The following GAPT variants were observed in gnomAD, a reference collection of about 807,000 sequenced individuals.
GAPT encodes the protein protein GAPT.
For synonymous variants in GAPT, 82 were observed against 69.7 expected, an observed-to-expected ratio of 1.18 and a Z score of -0.88; for missense variants, 206 against 189.2, an observed-to-expected ratio of 1.09 and a Z score of -0.52.
At chr5:58,491,602 C>A (rs934479463) in intron 1 of GAPT, 61 bp downstream of exon 1, 6 of 152,066 alleles carry the variant, frequency 3.9e-5, no homozygotes, top group African/African-American at 1.4e-4. Context: ...ACAAGTTTGT[C>A]TTTAATTAAT....
In GAPT at chr5:58,495,187, A is replaced by G. The variant is rs1744413881; in HGVS notation, c.*177A>G. ...AAAAAAAGAACAAAACTAACATGGG[A>G]ACAGAAAATCAAATACCACATATTC... On this transcript the variant is annotated 3_prime_UTR_variant, in exon 3 of 3. Coordinates refer to ENST00000502276, the MANE Select transcript of GAPT (RefSeq NM_001304431.2). The G allele has an allele frequency of 1.8e-6, 1 of 560,304 alleles. No homozygotes were observed. Among genetic ancestry groups the G allele is most frequent in the Non-Finnish European group, 3.1e-6 (1 of 318,824 alleles). 34.7% of individuals were successfully genotyped at this position (560,304 alleles called of 1,614,324 possible).
rs1744463293 is a variant in GAPT at position 58,496,802 on chromosome 5, GCTTCTCTGCAAC to G, written c.*1795_*1806del. ...GTTTCTTCCATCATTCCCAGGACCA[GCTTCTCTGCAAC>G]CTGTCAGAAGCACCAGCACCAGCCA... On this transcript the variant is annotated 3_prime_UTR_variant, in exon 3 of 3. Transcript: ENST00000502276. 6.0e-6 allele frequency: 1 copy of G among 167,436 alleles called. No individual in the cohort carries two copies. Among genetic ancestry groups the G allele is most frequent in the African/African-American group, 2.4e-5 (1 of 41,466 alleles). The allele number at this position is 167,436 out of a possible 1,614,324, so 10.4% of individuals were successfully genotyped here.
Position 58,494,397 on chromosome 5 carries a change from A to G in GAPT, c.-140A>G, listed in dbSNP as rs756622813. ...TAATTGCATCAGGACTTTACCAGAT[A>G]ATGTTCTTCCAGATCTGAAAAGGAA... On this transcript the variant is annotated 5_prime_UTR_variant, in exon 3 of 3. The change creates a new upstream start codon in the 5' untranslated region. Coordinates refer to ENST00000502276, the MANE Select transcript of GAPT (RefSeq NM_001304431.2). 1.4e-5 allele frequency: 9 copies of G among 656,654 alleles called. No homozygotes were observed. The highest frequency in any genetic ancestry group is 2.1e-5 in the Non-Finnish European group (8 of 385,038). The allele number at this position is 656,654 out of a possible 1,614,324, so 40.7% of individuals were successfully genotyped here.
In GAPT at chr5:58,495,473, G is replaced by A; in HGVS notation, c.*463G>A. On this transcript the variant is annotated 3_prime_UTR_variant, in exon 3 of 3. Coordinates refer to ENST00000502276, the MANE Select transcript of GAPT (RefSeq NM_001304431.2). Reference sequence around the variant, plus strand: ...ATTAAAATATTAAAAATAATTCACTGTGATTTTTATTGTACTGATGCCATT... The same window carrying A: ...ATTAAAATATTAAAAATAATTCACTATGATTTTTATTGTACTGATGCCATT... 1 of 168,734 alleles carries A rather than the reference G, an allele frequency of 5.9e-6. No homozygotes were observed. 10.5% of individuals were successfully genotyped at this position (168,734 alleles called of 1,614,324 possible).
At position 58,494,530 on chromosome 5, in the gene GAPT, T is replaced by G. The variant is rs772157448; in HGVS notation, c.-7T>G. ...CCAAATCACTAAACAGCACTGTTTG[T>G]ACAGAAATGTCGAAAAGCTGTGGAA... On this transcript the variant is annotated 5_prime_UTR_variant, in exon 3 of 3. Transcript: ENST00000502276. The G allele has an allele frequency of 1.9e-6, 3 of 1,599,342 alleles. No homozygotes were observed. Among genetic ancestry groups the G allele is most frequent in the Non-Finnish European group, 2.6e-6 (3 of 1,171,946 alleles).
intron 1 of GAPT, 129 bp from the exon 2 acceptor site, chr5:58,493,582 T>A (rs1448646031): frequency 6.6e-6 from 1 of 152,196 alleles, no homozygotes; most frequent in Non-Finnish European, 1.5e-5. Context: ...CATTATTTCA[T>A]TCAATAAATA....
In GAPT at chr5:58,495,009, A is replaced by T. The variant is rs779426661; in HGVS notation, c.473A>T (p.Ter158LeuextTer11). The T allele has an allele frequency of 1.3e-5, 21 of 1,562,962 alleles. No homozygotes were observed. The highest frequency in any genetic ancestry group is 1.7e-4 in the Middle Eastern group (1 of 5,866). The change falls in exon 3 of 3, where the codon TAG becomes TTG. Residue 158 changes from the stop codon to leucine (L), a stop_lost. Coordinates refer to ENST00000502276, the MANE Select transcript of GAPT (RefSeq NM_001304431.2). The part of the protein sequence containing the change: ...EDIYILPDSY[*>L] ...ATATACATTCTTCCAGATTCATATT[A>T]GCTTTTCAAAATATTGACTTTTGTT...
chr5:58,493,488 T>C (rs190866509), intron 1 of GAPT: 1 of 152,340 alleles, frequency 6.6e-6, no homozygotes, highest in East Asian at 1.9e-4. Context: ...TCTCATTTCA[T>C]GTTTTAAGTA....
At position 58,495,322 on chromosome 5, in the gene GAPT, G is replaced by GAA; in HGVS notation, c.*321_*322dup. 7.8e-6 allele frequency: 2 copies of GAA among 256,406 alleles called. No individual in the cohort carries two copies. The highest frequency in any genetic ancestry group is 6.3e-5 in the South Asian group (1 of 15,896). 15.9% of individuals were successfully genotyped at this position (256,406 alleles called of 1,614,324 possible). A position where few individuals can be genotyped will look rare whatever the true frequency, so the allele number is the denominator to read the frequency against. ...CAGTGGAAGGAGGGAGAGGTTCAGGGAAAAAAAAAATATCAGGTACTATGC... is the reference window on the plus strand; with the variant it reads ...CAGTGGAAGGAGGGAGAGGTTCAGGGAAAAAAAAAAAATATCAGGTACTATGC... On this transcript the variant is annotated 3_prime_UTR_variant, in exon 3 of 3. Coordinates refer to ENST00000502276, the MANE Select transcript of GAPT (RefSeq NM_001304431.2).
In GAPT at chr5:58,495,176, A is replaced by C. The variant is rs1473780484; in HGVS notation, c.*166A>C. 1 of 572,016 alleles carries C rather than the reference A, an allele frequency of 1.7e-6. No homozygotes were observed. The highest frequency in any genetic ancestry group is 3.1e-6 in the Non-Finnish European group (1 of 326,242). 35.4% of individuals were successfully genotyped at this position (572,016 alleles called of 1,614,324 possible). A position where few individuals can be genotyped will look rare whatever the true frequency, so the allele number is the denominator to read the frequency against. On this transcript the variant is annotated 3_prime_UTR_variant, in exon 3 of 3. Coordinates refer to ENST00000502276, the MANE Select transcript of GAPT (RefSeq NM_001304431.2). ...TATGCAGCCGTAAAAAAAGAACAAAACTAACATGGGAACAGAAAATCAAAT... is the reference window on the plus strand; with the variant it reads ...TATGCAGCCGTAAAAAAAGAACAAACCTAACATGGGAACAGAAAATCAAAT...
chr5:58,494,729 C>G lies in GAPT; in HGVS notation c.193C>G (p.Arg65Gly). ...CTGTACTAAAACATTCTTGGGCCCC[C>G]GCATCATTGGCTTAAGGCATGAAAT... is the stretch of plus-strand genomic sequence containing the variant. ...KVCTKTFLGPRIIGLRHEISV... is the reference protein window; with the variant it reads ...KVCTKTFLGPGIIGLRHEISV... The change falls in exon 3 of 3, where the codon CGC becomes GGC. Residue 65 changes from arginine (R) to glycine (G), a missense_variant. Transcript: ENST00000502276. The G allele has an allele frequency of 3.7e-6, 6 of 1,613,896 alleles. No individual in the cohort carries two copies. The highest frequency in any genetic ancestry group is 5.1e-6 in the Non-Finnish European group (6 of 1,179,930).
chr5:58,493,280 A>G (rs1478796263), intron 1 of GAPT, among the ~76,000 whole-genome samples: 1 of 152,192 alleles, frequency 6.6e-6, no homozygotes, highest in Non-Finnish European at 1.5e-5. Context: ...CTGAAAATAT[A>G]CAGTAATAAT....
rs1286038353 is a variant in GAPT, at chr5:58,494,322, A to G, written c.-215A>G. On this transcript the variant is annotated 5_prime_UTR_variant, in exon 3 of 3. Coordinates refer to ENST00000502276, the MANE Select transcript of GAPT (RefSeq NM_001304431.2). ...TAATGGCTGTAATGTGAAGAGCATC[A>G]CACACGAAGAGAGCCATCTTCCAGA... 2 of 510,744 alleles carry G rather than the reference A, an allele frequency of 3.9e-6. No homozygotes were observed. The highest frequency in any genetic ancestry group is 1.9e-5 in the African/African-American group (1 of 52,402). The allele number at this position is 510,744 out of a possible 1,614,324, so 31.6% of individuals were successfully genotyped here. A position where few individuals can be genotyped will look rare whatever the true frequency, so the allele number is the denominator to read the frequency against.
Position 58,495,022 on chromosome 5 carries a change from A to G in GAPT, c.*12A>G. ...CAGATTCATATTAGCTTTTCAAAAT[A>G]TTGACTTTTGTTATTGGATGATAAA... On this transcript the variant is annotated 3_prime_UTR_variant, in exon 3 of 3. Transcript: ENST00000502276. The G allele has an allele frequency of 6.6e-7, 1 of 1,518,370 alleles. No individual in the cohort carries two copies. Among genetic ancestry groups the G allele is most frequent in the East Asian group, 2.3e-5 (1 of 44,192 alleles). The allele number at this position is 1,518,370 out of a possible 1,614,324, so 94.1% of individuals were successfully genotyped here. A position where few individuals can be genotyped will look rare whatever the true frequency, so the allele number is the denominator to read the frequency against.
intron 1 of GAPT, among the ~76,000 whole-genome samples, chr5:58,491,980 GGTTTTTTCCTCTAAT>G (rs1398118347): frequency 1.3e-5 from 2 of 152,088 alleles, no homozygotes. Flanking sequence ...ATGTCTCACA[GGTTTTTTCCTCTAAT>G]GTTATTTCGA....
At position 58,495,442 on chromosome 5, in the gene GAPT, A is replaced by G. The variant is rs1349685931; in HGVS notation, c.*432A>G. 1 of 165,348 alleles carries G rather than the reference A, an allele frequency of 6.0e-6. No homozygotes were observed. The highest frequency in any genetic ancestry group is 6.4e-5 in the Admixed American group (1 of 15,700). 10.2% of individuals were successfully genotyped at this position (165,348 alleles called of 1,614,324 possible). A position where few individuals can be genotyped will look rare whatever the true frequency, so the allele number is the denominator to read the frequency against. ...CTGAACATGTACCCCTGAACATAAA[A>G]TTATAATTAAAATATTAAAAATAAT... On this transcript the variant is annotated 3_prime_UTR_variant, in exon 3 of 3. Transcript: ENST00000502276.
intron 1 of GAPT, among the ~76,000 whole-genome samples, chr5:58,492,799 T>C (rs556579530): frequency 4.9e-4 from 75 of 152,304 alleles, no homozygotes; most frequent in African/African-American, 1.8e-3. Context: ...TCATTGTTAC[T>C]ATTATTATCC....
At chr5:58,492,475 T>C (rs979381240) in intron 1 of GAPT, among the ~76,000 whole-genome samples, 3 of 152,078 alleles carry the variant, frequency 2.0e-5, no homozygotes, top group African/African-American at 4.8e-5. Flanking sequence ...GCTGGCCTTA[T>C]AAAGGAGGGA....
At chr5:58,491,821 A>C (rs1744266073) in intron 1 of GAPT, among the ~76,000 whole-genome samples, 1 of 152,198 alleles carries the variant, frequency 6.6e-6, no homozygotes, top group African/African-American at 2.4e-5. Context: ...GAAAAATGTC[A>C]AATTGTTAGG....
Sources: gnomAD v4.1 joint callset for allele counts (sites outside exome capture counted in the v4.1 genomes callset) on GRCh38, gnomAD v4.1.1 for gene constraint, MANE v1.5 for transcripts, NCBI Gene and HGNC (gene_info 2026-07-23, HGNC 2026-07-21) for gene names.